Variants in MBOAT4 observed in about 807,000 individuals in gnomAD.
MBOAT4 encodes membrane bound ghrelin O-acyltransferase MBOAT4.
MBOAT4 carries 11 observed loss-of-function variants against 13.2 expected under a neutral mutation model. That is an observed-to-expected ratio of 0.84 (90% CI 0.53 to 1.38). The LOEUF (loss-of-function observed/expected upper bound fraction) is 1.38. Ranked by LOEUF, MBOAT4 falls within the 40% of genes most tolerant of loss-of-function variation. The pLI is 0.00. For missense variants in MBOAT4, 481 were observed against 527.2 expected, an observed-to-expected ratio of 0.91 and a Z score of 0.86; for synonymous variants, 202 against 210.3, an observed-to-expected ratio of 0.96 and a Z score of 0.34.
chr8:30,136,730 C>CTTT (rs11390350), intron 2 of MBOAT4, among the ~76,000 whole-genome samples: 3,952 of 143,780 alleles, frequency 0.027, 226 homozygotes, highest in African/African-American at 0.096. Flanking sequence ...TCCCCCCGAA[C>CTTT]TTTTTTTTTT....
At chr8:30,142,885 G>C (rs1052834228) in intron 1 of MBOAT4, among the ~76,000 whole-genome samples, 2 of 152,134 alleles carry the variant, frequency 1.3e-5, no homozygotes, top group Non-Finnish European at 2.9e-5. Context: ...GTTAGATACA[G>C]CTATATTTTA....
At chr8:30,141,555 T>C (rs556894107) in intron 1 of MBOAT4, among the ~76,000 whole-genome samples, 1 of 152,200 alleles carries the variant, frequency 6.6e-6, no homozygotes, top group Non-Finnish European at 1.5e-5. Flanking sequence ...GGAGAATCGC[T>C]TGAGCTCAGG....
chr8:30,138,216 C>A (rs1803189199), intron 2 of MBOAT4: 1 of 219,262 alleles, frequency 4.6e-6, no homozygotes, highest in Non-Finnish European at 9.3e-6. Context: ...ACTGGCCTGT[C>A]TCCCGCACAG....
chr8:30,132,042 G>A lies in MBOAT4; in HGVS notation c.1209C>T (p.Ser403=). 6.4e-7 allele frequency: 1 copy of A among 1,551,880 alleles called. No individual in the cohort carries two copies. Among genetic ancestry groups the A allele is most frequent in the Non-Finnish European group, 8.7e-7 (1 of 1,147,040 alleles). The change falls in exon 3 of 3, where the codon TCC becomes TCT. Residue 403 remains serine (S), a synonymous_variant. Coordinates refer to ENST00000320542, the MANE Select transcript of MBOAT4 (RefSeq NM_001100916.2). The part of the protein sequence containing the change: ...IMLAVEVRSL[S]SLWLLCNSYN... ...ACGAATTACAGAGCAACCAGAGAGA[G>A]GAGAGACTCCTGACCTCCACAGCCA...
intron 1 of MBOAT4, among the ~76,000 whole-genome samples, chr8:30,139,547 C>A (rs1157448137): frequency 6.6e-6 from 1 of 152,348 alleles, no homozygotes; most frequent in Non-Finnish European, 1.5e-5. Flanking sequence ...GGAGACTCAA[C>A]ACTTCCCTTC....
Position 30,138,649 on chromosome 8 carries a change from G to T in MBOAT4, c.227C>A (p.Ser76Tyr). The change falls in exon 2 of 3, where the codon TCC becomes TAC. Residue 76 changes from serine (S) to tyrosine (Y), a missense_variant. Ser to Tyr is a moderately radical substitution (Grantham distance 144). Coordinates refer to ENST00000320542, the MANE Select transcript of MBOAT4 (RefSeq NM_001100916.2). The part of the protein sequence containing the change: ...PAVCAVALLC[S>Y]LAPQQVHRWT... ...CCTGTGGACTTGCTGAGGAGCCAGG[G>T]AACAGAGGAGAGCCACAGCGCAGAC... The T allele has an allele frequency of 6.4e-7, 1 of 1,551,390 alleles. No individual in the cohort carries two copies.
In MBOAT4 at chr8:30,131,934, G is replaced by C. The variant is rs142942186; in HGVS notation, c.*9C>G. On this transcript the variant is annotated 3_prime_UTR_variant, in exon 3 of 3. Transcript: ENST00000320542. ...CCTGGGTGTTTAAGGTGAAAGCCAGGGAAAGATGTCAGTTACATTTGTGCT... is the reference window on the plus strand; with the variant it reads ...CCTGGGTGTTTAAGGTGAAAGCCAGCGAAAGATGTCAGTTACATTTGTGCT... 34 of 1,538,152 alleles carry C rather than the reference G, an allele frequency of 2.2e-5. 1 individual carries two copies. The South Asian group carries it at 4.0e-4, about 18-fold the overall frequency.
rs1195099803 is a variant in MBOAT4, at chr8:30,132,454, A to G, written c.797T>C (p.Leu266Pro). The G allele has an allele frequency of 6.4e-7, 1 of 1,551,714 alleles. No homozygotes were observed. Among genetic ancestry groups the G allele is most frequent in the Non-Finnish European group, 8.7e-7 (1 of 1,147,000 alleles). ...CTCAGGCCCAAAGCCCGCTGCGTGGAGGAGGGAGTCGTCCAGGATCCAGTG... is the reference window on the plus strand; with the variant it reads ...CTCAGGCCCAAAGCCCGCTGCGTGGGGGAGGGAGTCGTCCAGGATCCAGTG... The part of the protein sequence containing the change: ...YSHWILDDSL[L>P]HAAGFGPELG... The change falls in exon 3 of 3, where the codon CTC (leucine) becomes CCC (proline). Residue 266 changes from leucine (L) to proline (P), a missense_variant. By Grantham distance (98) the Leu-to-Pro change is moderately conservative (BLOSUM62 -3). Coordinates refer to ENST00000320542, the MANE Select transcript of MBOAT4 (RefSeq NM_001100916.2).
intron 1 of MBOAT4, 36 bp from the exon 2 acceptor site, chr8:30,138,792 A>C: frequency 6.7e-7 from 1 of 1,495,256 alleles, no homozygotes; most frequent in Non-Finnish European, 9.1e-7. Flanking sequence ...AGAATGACTT[A>C]GAACGGCACA....
At chr8:30,143,347 C>CAAAAAA (rs776274086) in intron 1 of MBOAT4, among the ~76,000 whole-genome samples, 24 of 143,564 alleles carry the variant, frequency 1.7e-4, no homozygotes, top group Middle Eastern at 3.4e-3. Flanking sequence ...GACTCCGTCT[C>CAAAAAA]AAAAAAAAAA....
chr8:30,144,458 G>T, intron 1 of MBOAT4, 25 bp downstream of exon 1: 1 of 1,464,172 alleles, frequency 6.8e-7, no homozygotes, highest in Non-Finnish European at 9.4e-7. Context: ...CTGGATGTAA[G>T]AGTAAAAATA....
In MBOAT4 at chr8:30,143,184, A is replaced by T. The variant is rs1029660417; in HGVS notation, c.119+1299T>A. On this transcript the variant is annotated intron_variant, in intron 1 of 2. Coordinates refer to ENST00000320542, the MANE Select transcript of MBOAT4 (RefSeq NM_001100916.2). ...AAAATAAAAATTGGAATTATTTTTA[A>T]AAATGTATTTCAAATTAGCTGGGCA... Among the ~76,000 whole-genome samples the T allele has an allele frequency of 3.3e-5, 5 of 152,138 alleles. No individual in the cohort carries two copies. The East Asian group carries it at 7.7e-4, about 24-fold the overall frequency.
rs13272159 is a variant in MBOAT4, at chr8:30,131,883, G to A, written c.*60C>T. 894,314 of 1,480,380 alleles carry A rather than the reference G, an allele frequency of 0.6. 286,433 individuals carry two copies. Among genetic ancestry groups the A allele is most frequent in the Non-Finnish European group, 0.67 (740,444 of 1,113,428 alleles). 91.7% of individuals were successfully genotyped at this position (1,480,380 alleles called of 1,614,324 possible). A position where few individuals can be genotyped will look rare whatever the true frequency, so the allele number is the denominator to read the frequency against. ...GTTCAAATGTATGCATTATCGATGC[G>A]TCATCTGGCACTTTCTAAAATGTTT... On this transcript the variant is annotated 3_prime_UTR_variant, in exon 3 of 3. Coordinates refer to ENST00000320542, the MANE Select transcript of MBOAT4 (RefSeq NM_001100916.2).
At chr8:30,140,041 C>A (rs1255571172) in intron 1 of MBOAT4, among the ~76,000 whole-genome samples, 1 of 151,876 alleles carries the variant, frequency 6.6e-6, no homozygotes, top group African/African-American at 2.4e-5. Flanking sequence ...GAAGTCATTG[C>A]AGAATCTTTT....
At chr8:30,139,808 G>A (rs1421452035) in intron 1 of MBOAT4, among the ~76,000 whole-genome samples, 1 of 151,670 alleles carries the variant, frequency 6.6e-6, no homozygotes, top group Non-Finnish European at 1.5e-5. Flanking sequence ...AAAAAAATTT[G>A]TTTAATAGCC....
chr8:30,135,683 G>A (rs13269187), intron 2 of MBOAT4, among the ~76,000 whole-genome samples: 116,630 of 151,992 alleles, frequency 0.77, 47,202 homozygotes, highest in Middle Eastern at 0.91. Flanking sequence ...CTGAGGTGAG[G>A]TGGGCTGATC....
intron 1 of MBOAT4, among the ~76,000 whole-genome samples, chr8:30,140,856 T>G (rs1471905669): frequency 8.5e-5 from 13 of 152,076 alleles, no homozygotes; most frequent in African/African-American, 2.9e-4. Context: ...TTTGTCTTGT[T>G]TTTGAGACAG....
At position 30,132,529 on chromosome 8, in the gene MBOAT4, A is replaced by T; in HGVS notation, c.722T>A (p.Ile241Asn). Residue 241 changes from isoleucine to asparagine, a missense_variant, in exon 3 of 3, where the codon ATC becomes AAC. Transcript: ENST00000320542. ...GLTDCQQFEC[I>N]YVVWTTAGLF... Reference sequence around the variant, plus strand: ...CCCAGCTGTGGTCCACACGACATAGATGCACTCGAATTGCTGGCAATCAGT... The same window carrying T: ...CCCAGCTGTGGTCCACACGACATAGTTGCACTCGAATTGCTGGCAATCAGT... 6.4e-7 allele frequency: 1 copy of T among 1,551,684 alleles called. No homozygotes were observed. The highest frequency in any genetic ancestry group is 1.4e-5 in the African/African-American group (1 of 73,140).
At chr8:30,134,704 C>A (rs957902033) in intron 2 of MBOAT4, among the ~76,000 whole-genome samples, 2 of 151,868 alleles carry the variant, frequency 1.3e-5, no homozygotes, top group African/African-American at 4.8e-5. Flanking sequence ...CACGCCACCA[C>A]GCCCAGCTAA....
Sources: gnomAD v4.1 joint callset for allele counts (sites outside exome capture counted in the v4.1 genomes callset) on GRCh38, gnomAD v4.1.1 for gene constraint, MANE v1.5 for transcripts, NCBI Gene and HGNC (gene_info 2026-07-23, HGNC 2026-07-21) for gene names.